TAFA1: variants seen among roughly 807,000 people sequenced by gnomAD.
TAFA1 encodes chemokine-like protein TAFA-1.
Under a neutral mutation model 18.5 loss-of-function variants are expected in TAFA1, and 4 were observed. The ratio of observed to expected loss-of-function variants is 0.22; its 90% CI spans 0.11 to 0.49. The LOEUF (loss-of-function observed/expected upper bound fraction) is 0.49, where lower values mean the gene tolerates loss of function less well. Ranked by LOEUF, TAFA1 falls within the 20% of genes least tolerant of loss-of-function variation. The pLI is 0.98. For synonymous variants in TAFA1, 56 were observed against 55.2 expected, an observed-to-expected ratio of 1.01 and a Z score of -0.06; for missense variants, 147 against 169.0, an observed-to-expected ratio of 0.87 and a Z score of 0.72.
intron 2 of TAFA1, among the ~76,000 whole-genome samples, chr3:68,072,688 G>A (rs947988907): frequency 5.3e-5 from 8 of 152,210 alleles, no homozygotes; most frequent in African/African-American, 1.4e-4. Context: ...ACACCACAGA[G>A]ATAAAGCAGA....
chr3:68,367,465 A>G (rs2069596506), intron 2 of TAFA1, among the ~76,000 whole-genome samples: 2 of 152,232 alleles, frequency 1.3e-5, no homozygotes, highest in African/African-American at 2.4e-5. Context: ...TTCAGTGTCC[A>G]TCAGCGGTCA....
intron 2 of TAFA1, among the ~76,000 whole-genome samples, chr3:68,210,707 C>T (rs968657119): frequency 2.6e-5 from 4 of 152,066 alleles, no homozygotes; most frequent in Non-Finnish European, 5.9e-5. Context: ...GCTCCTGCTG[C>T]TAGTTAACCT....
chr3:68,300,971 T>G (rs564126679), intron 2 of TAFA1, among the ~76,000 whole-genome samples: 1 of 152,300 alleles, frequency 6.6e-6, no homozygotes, highest in Non-Finnish European at 1.5e-5. Context: ...GAGGTAGTTC[T>G]TAATAGCAAT....
chr3:68,404,964 C>G lies in TAFA1; in HGVS notation c.119-12316C>G, dbSNP rs538207178. Among the ~76,000 whole-genome samples the G allele has an allele frequency of 8.5e-5, 13 of 152,266 alleles. No individual in the cohort carries two copies. In the South Asian group the frequency reaches 1.0e-3, roughly 12 times the overall value. Reference sequence around the variant, plus strand: ...TGTTTTGATCTTTTCATCTTCACTTCTAAGCCAACTCAAAAATGTTGTTCC... The same window carrying G: ...TGTTTTGATCTTTTCATCTTCACTTGTAAGCCAACTCAAAAATGTTGTTCC... On this transcript the variant is annotated intron_variant, in intron 2 of 4. Transcript: ENST00000478136.
rs140816639 is a variant in TAFA1 at position 68,149,424 on chromosome 3, C to T, written c.118+142680C>T. On this transcript the variant is annotated intron_variant, in intron 2 of 4. Coordinates refer to ENST00000478136, the MANE Select transcript of TAFA1 (RefSeq NM_213609.4). ...AAAGAAAAAAAGCTTATTTGGCTCA[C>T]AGTTCTGCAGAATGTACAAGAAGCA... 2.8e-3 allele frequency among the ~76,000 whole-genome samples: 420 copies of T among 152,290 alleles called. 2 individuals carry two copies. The highest frequency in any genetic ancestry group is 9.2e-3 in the African/African-American group (381 of 41,564).
intron 2 of TAFA1, among the ~76,000 whole-genome samples, chr3:68,086,661 A>C (rs2064974182): frequency 6.6e-6 from 1 of 152,218 alleles, no homozygotes. Flanking sequence ...GGAAGATGAA[A>C]TACCAAAACT....
At chr3:68,021,572 G>A (rs944410945) in intron 2 of TAFA1, among the ~76,000 whole-genome samples, 1 of 152,158 alleles carries the variant, frequency 6.6e-6, no homozygotes. Context: ...GGTATCATAT[G>A]TGTGTTTCAT....
intron 2 of TAFA1, among the ~76,000 whole-genome samples, chr3:68,413,232 T>C (rs1380322771): frequency 2.6e-5 from 4 of 152,202 alleles, no homozygotes; most frequent in Non-Finnish European, 5.9e-5. Flanking sequence ...TTGTTTGATT[T>C]TTTTCTTGTA....
At chr3:68,373,537 C>T (rs262202) in intron 2 of TAFA1, among the ~76,000 whole-genome samples, 75,063 of 151,964 alleles carry the variant, frequency 0.49, 19,272 homozygotes, top group East Asian at 0.77. Context: ...ATCTGCTCTA[C>T]CCCCTTTGCC....
intron 3 of TAFA1, among the ~76,000 whole-genome samples, chr3:68,432,242 G>A (rs956090091): frequency 6.6e-6 from 1 of 151,810 alleles, no homozygotes; most frequent in Non-Finnish European, 1.5e-5. Flanking sequence ...ATTTCATAAC[G>A]TGTCCTTAAA....
intron 3 of TAFA1, among the ~76,000 whole-genome samples, chr3:68,534,027 A>G (rs2073232870): frequency 6.6e-6 from 1 of 152,186 alleles, no homozygotes; most frequent in Admixed American, 6.6e-5. Context: ...TTACCCGTAT[A>G]TATATGTCTT....
At chr3:68,130,667 C>T (rs1419643215) in intron 2 of TAFA1, among the ~76,000 whole-genome samples, 2 of 152,156 alleles carry the variant, frequency 1.3e-5, no homozygotes, top group Non-Finnish European at 1.5e-5. Flanking sequence ...ACTTTTTTCT[C>T]ATCTTACGTT....
intron 3 of TAFA1, among the ~76,000 whole-genome samples, chr3:68,506,987 G>T (rs984697115): frequency 6.6e-6 from 1 of 152,024 alleles, no homozygotes; most frequent in South Asian, 2.1e-4. Context: ...GAAGGTCTTC[G>T]ATATTTTAAG....
chr3:68,396,371 C>A (rs763531722), intron 2 of TAFA1, among the ~76,000 whole-genome samples: 9 of 152,158 alleles, frequency 5.9e-5, no homozygotes, highest in Non-Finnish European at 1.3e-4. Flanking sequence ...TCCCTGGTGT[C>A]CCTTCTCTGT....
chr3:68,473,468 T>C (rs2072038293), intron 3 of TAFA1, among the ~76,000 whole-genome samples: 1 of 152,164 alleles, frequency 6.6e-6, no homozygotes. Context: ...CTTTCCAGTC[T>C]ATTTTTTTTA....
chr3:67,992,091 T>A, the TAFA1 span, among the ~76,000 whole-genome samples: 2 of 152,194 alleles, frequency 1.3e-5, no homozygotes, highest in Non-Finnish European at 2.9e-5. Flanking sequence ...TGTGTTTCAC[T>A]AGTGGACAGA....
chr3:68,296,146 C>T (rs1176011895), intron 2 of TAFA1, among the ~76,000 whole-genome samples: 6 of 152,142 alleles, frequency 3.9e-5, no homozygotes, highest in Non-Finnish European at 8.8e-5. Context: ...TAGAGAATTG[C>T]CTATGTGAGC....
At chr3:68,335,898 AT>A (rs1358066875) in intron 2 of TAFA1, among the ~76,000 whole-genome samples, 8 of 152,170 alleles carry the variant, frequency 5.3e-5, no homozygotes, top group Admixed American at 6.5e-5. Context: ...TCAAGTTGTC[AT>A]TTGTACACCT....
At chr3:68,484,543 G>A (rs1559688677) in intron 3 of TAFA1, among the ~76,000 whole-genome samples, 2 of 152,320 alleles carry the variant, frequency 1.3e-5, no homozygotes, top group Admixed American at 6.5e-5. Flanking sequence ...TGAGCAACTA[G>A]GTTGTTGGTT....
Sources: allele counts gnomAD v4.1 joint callset (sites outside exome capture counted in the v4.1 genomes callset), GRCh38; gene constraint gnomAD v4.1.1; transcripts MANE v1.5; gene names NCBI Gene and HGNC (gene_info 2026-07-23, HGNC 2026-07-21).